Variants in KHDRBS1 observed in about 807,000 individuals in gnomAD.
KHDRBS1 encodes the protein KH domain-containing, RNA-binding, signal transduction-associated protein 1.
Under a neutral mutation model 48.4 loss-of-function variants are expected in KHDRBS1, and 7 were observed. The observed-to-expected ratio is 0.14, with a 90% CI of 0.08 to 0.27. The LOEUF is 0.27. Among genes scored for constraint, KHDRBS1 ranks in the 10% least tolerant of loss-of-function variants. KHDRBS1 has a pLI of 1.00. For synonymous variants in KHDRBS1, 241 were observed against 235.8 expected (o/e 1.02, Z -0.20); for missense variants, 458 against 601.2 (o/e 0.76, Z 2.49).
intron 4 of KHDRBS1, 62 bp from the exon 5 acceptor site, chr1:32,036,848 A>G: frequency 1.3e-6 from 2 of 1,527,938 alleles, no homozygotes; most frequent in South Asian, 2.5e-5. Flanking sequence ...CCCGTGGACC[A>G]GATGATTTCT....
rs577649541 is a variant in KHDRBS1 at position 32,031,460 on chromosome 1, A to T, written c.508-64A>T. On this transcript the variant is annotated intron_variant, in intron 2 of 8. Coordinates refer to ENST00000327300, the MANE Select transcript of KHDRBS1 (RefSeq NM_006559.3). ...AGGGTTGTTTAAAATCAAGTGAGGT[A>T]ATTTATGTGGAAATGTTTTTATATA... The T allele has an allele frequency of 5.6e-5, 57 of 1,009,664 alleles. 1 individual carries two copies. In the South Asian group the frequency reaches 8.5e-4, roughly 15 times the overall value. 62.5% of individuals were successfully genotyped at this position (1,009,664 alleles called of 1,614,324 possible). A position where few individuals can be genotyped will look rare whatever the true frequency, so the allele number is the denominator to read the frequency against.
chr1:32,026,800 C>G (rs1390667310), intron 1 of KHDRBS1, among the ~76,000 whole-genome samples: 1 of 152,022 alleles, frequency 6.6e-6, no homozygotes, highest in Non-Finnish European at 1.5e-5. Flanking sequence ...GTTCCACATT[C>G]TTTTTTGTTG....
chr1:32,023,027 G>T (rs995083680), intron 1 of KHDRBS1, among the ~76,000 whole-genome samples: 2 of 151,526 alleles, frequency 1.3e-5, no homozygotes, highest in Non-Finnish European at 2.9e-5. Context: ...TCTCTTTTTC[G>T]CCCTCTCTCT....
intron 10 of KHDRBS1, among the ~76,000 whole-genome samples, chr1:32,050,659 C>T (rs1403812169): frequency 2.0e-5 from 3 of 151,822 alleles, no homozygotes; most frequent in South Asian, 2.1e-4. Context: ...ACTACAGGTG[C>T]GTGCCATCAT....
intron 8 of KHDRBS1, among the ~76,000 whole-genome samples, chr1:32,041,394 G>A (rs59980489): frequency 0.038 from 5,717 of 152,054 alleles, 345 homozygotes; most frequent in African/African-American, 0.13. Context: ...ATGAACTAGC[G>A]TGTGTAAGGT....
At chr1:32,038,315 G>A (rs1170734251) in intron 6 of KHDRBS1, among the ~76,000 whole-genome samples, 4 of 152,092 alleles carry the variant, frequency 2.6e-5, no homozygotes, top group South Asian at 2.1e-4. Flanking sequence ...ACTAAAGCTC[G>A]ATTTTGTACT....
In KHDRBS1 at chr1:32,041,583, CTTTTTTTT is replaced by C. The variant is rs370173805; in HGVS notation, c.1235-927_1235-920del. Among the ~76,000 whole-genome samples the C allele has an allele frequency of 5.3e-5, 4 of 75,582 alleles. No individual in the cohort carries two copies. In the South Asian group the frequency reaches 2.2e-3, roughly 42 times the overall value. 49.6% of individuals were successfully genotyped at this position (75,582 alleles called of 152,430 possible). A position where few individuals can be genotyped will look rare whatever the true frequency, so the allele number is the denominator to read the frequency against. On this transcript the variant is annotated intron_variant, in intron 8 of 8. Coordinates refer to ENST00000327300, the MANE Select transcript of KHDRBS1 (RefSeq NM_006559.3). ...TTAAGAAAGGAGATAAGGAATTATC[CTTTTTTTT>C]TTTTTTTTTTTTTTTTGAGATGGAG...
At chr1:32,034,561 CA>C (rs1229860975) in intron 4 of KHDRBS1, among the ~76,000 whole-genome samples, 4 of 151,504 alleles carry the variant, frequency 2.6e-5, no homozygotes, top group Non-Finnish European at 4.4e-5. Flanking sequence ...ACTCCATCTC[CA>C]AAAAAAATAA....
rs759619655 is a variant in KHDRBS1, at chr1:32,037,845, G to A, written c.916G>A (p.Val306Ile). The A allele has an allele frequency of 4.3e-6, 7 of 1,613,988 alleles. No individual in the cohort carries two copies. The South Asian group carries it at 6.6e-5, about 15-fold the overall frequency. ...PPPPVPRGRG[V>I]GPPRGALVRG... is the part of the protein sequence containing the mutation. ...ACTTTCATTTTGTAGGGGCCGTGGTGTTGGACCACCTCGGGGGGCTTTGGT... is the reference window on the plus strand; with the variant it reads ...ACTTTCATTTTGTAGGGGCCGTGGTATTGGACCACCTCGGGGGGCTTTGGT... Residue 306 changes from valine (V) to isoleucine (I), a missense_variant, in exon 6 of 9, where the codon GTT becomes ATT. This residue lies in a region of KHDRBS1 where 171 missense variants were observed against 228.7 expected (regional missense o/e 0.75). Transcript: ENST00000327300.
In KHDRBS1 at chr1:32,037,088, A is replaced by G. The variant is rs72878613; in HGVS notation, c.905+45A>G. ...CCAGAAATAGGATGTGAATTTGACT[A>G]CTAGTGTCATCTCTTTTAGTGGTGC... On this transcript the variant is annotated intron_variant, in intron 5 of 8. Transcript: ENST00000327300. The G allele has an allele frequency of 7.2e-3, 11,459 of 1,597,830 alleles. 684 individuals carry two copies. The African/African-American group carries it at 0.13, about 19-fold the overall frequency.
chr1:32,038,945 T>C (rs979883556), intron 7 of KHDRBS1, among the ~76,000 whole-genome samples: 9 of 152,106 alleles, frequency 5.9e-5, no homozygotes, highest in Non-Finnish European at 1.3e-4. Context: ...AACCTGAGAG[T>C]AACAAATGAA....
intron 10 of KHDRBS1, among the ~76,000 whole-genome samples, chr1:32,050,194 G>T (rs949022202): frequency 1.3e-5 from 2 of 152,118 alleles, no homozygotes; most frequent in African/African-American, 4.8e-5. Flanking sequence ...TATATCTTCT[G>T]TGGAAAAATG....
At chr1:32,019,115 A>G (rs190409635) in intron 1 of KHDRBS1, among the ~76,000 whole-genome samples, 2 of 152,262 alleles carry the variant, frequency 1.3e-5, no homozygotes, top group East Asian at 3.9e-4. Flanking sequence ...AAACAAACAA[A>G]CAAAAAACCA....
chr1:32,031,755 C>A, intron 3 of KHDRBS1, 115 bp downstream of exon 3: 1 of 599,556 alleles, frequency 1.7e-6, no homozygotes, highest in Non-Finnish European at 2.9e-6. Context: ...GAATGTGGCT[C>A]CTTTAAGTTT....
intron 1 of KHDRBS1, among the ~76,000 whole-genome samples, chr1:32,025,565 T>C (rs1248077463): frequency 1.3e-5 from 2 of 150,658 alleles, no homozygotes; most frequent in African/African-American, 2.4e-5. Flanking sequence ...CCTCCCAAAG[T>C]GCTGGAATTA....
intron 1 of KHDRBS1, among the ~76,000 whole-genome samples, chr1:32,022,814 C>T (rs556201383): frequency 9.2e-5 from 14 of 151,768 alleles, no homozygotes; most frequent in Non-Finnish European, 1.3e-4. Context: ...TGCTTGAACC[C>T]GGGAGGCGGA....
intron 1 of KHDRBS1, among the ~76,000 whole-genome samples, chr1:32,024,977 AAAAAG>A (rs1248663270): frequency 6.6e-6 from 1 of 151,738 alleles, no homozygotes; most frequent in African/African-American, 2.4e-5. Flanking sequence ...ACAAACAAAA[AAAAAG>A]GCGGGGGGAG....
chr1:32,021,064 A>G (rs1638847863), intron 1 of KHDRBS1, among the ~76,000 whole-genome samples: 1 of 152,204 alleles, frequency 6.6e-6, no homozygotes, highest in Admixed American at 6.5e-5. Context: ...AAACTAAAGT[A>G]TACAGGATCT....
chr1:32,045,035 A>C (rs1227424613), downstream of KHDRBS1, among the ~76,000 whole-genome samples: 1 of 152,212 alleles, frequency 6.6e-6, no homozygotes, highest in Non-Finnish European at 1.5e-5. Flanking sequence ...ACTGTAACGT[A>C]ACCTGGGCAC....
Sources: allele counts gnomAD v4.1 joint callset (sites outside exome capture counted in the v4.1 genomes callset), GRCh38; gene constraint gnomAD v4.1.1; regional missense constraint gnomAD v4.1.1; transcripts MANE v1.5; gene names NCBI Gene and HGNC (gene_info 2026-07-23, HGNC 2026-07-21).